The following NFXL1 variants were observed in gnomAD, a reference collection of about 807,000 sequenced individuals.
NFXL1 encodes the protein nuclear transcription factor, X-box binding like 1.
Under a neutral mutation model 123.3 loss-of-function variants are expected in NFXL1, and 66 were observed. That is an observed-to-expected ratio of 0.54 (90% confidence interval 0.44 to 0.66). The LOEUF (loss-of-function observed/expected upper bound fraction) is 0.66, where lower values mean the gene tolerates loss of function less well. Ranked by LOEUF, NFXL1 falls within the 30% of genes least tolerant of loss-of-function variation. The pLI, the probability that NFXL1 is intolerant of heterozygous loss-of-function variation, is 0.00. For missense variants in NFXL1, 944 were observed against 1,125.6 expected (o/e 0.84, Z 2.31); for synonymous variants, 346 against 360.8 (o/e 0.96, Z 0.46).
chr4:47,869,971 T>C (rs1735329592), intron 18 of NFXL1, among the ~76,000 whole-genome samples: 1 of 152,004 alleles, frequency 6.6e-6, no homozygotes, highest in Non-Finnish European at 1.5e-5. Flanking sequence ...ATGAAATAGA[T>C]AATTTCTAAG....
chr4:47,902,489 T>G (rs1234020190), intron 5 of NFXL1, among the ~76,000 whole-genome samples: 2 of 152,136 alleles, frequency 1.3e-5, no homozygotes, highest in East Asian at 3.8e-4. Flanking sequence ...GTTTTGAGAT[T>G]TGGGAGGATA....
At chr4:47,899,978 G>A (rs182355192) in intron 5 of NFXL1, among the ~76,000 whole-genome samples, 7 of 152,274 alleles carry the variant, frequency 4.6e-5, no homozygotes, top group African/African-American at 9.6e-5. Flanking sequence ...CTAACCACCT[G>A]AACTTTATTG....
intron 4 of NFXL1, among the ~76,000 whole-genome samples, 186 bp downstream of exon 4, chr4:47,905,051 T>C (rs1272676853): frequency 6.6e-6 from 1 of 152,224 alleles, no homozygotes; most frequent in Admixed American, 6.5e-5. Context: ...AAATACTGGA[T>C]ACTCATTTAG....
intron 19 of NFXL1, among the ~76,000 whole-genome samples, chr4:47,859,841 C>CAAAAAAAAAAAAAAAA (rs938207203): frequency 7.0e-5 from 1 of 14,314 alleles, no homozygotes; most frequent in Non-Finnish European, 1.2e-4. Context: ...GACTCCATCT[C>CAAAAAAAAAAAAAAAA]AAAAAAAAAA....
intron 18 of NFXL1, among the ~76,000 whole-genome samples, chr4:47,871,073 G>T (rs1735397813): frequency 6.6e-6 from 1 of 152,168 alleles, no homozygotes. Flanking sequence ...CACTTGGCAA[G>T]TTTTTATTTG....
At chr4:47,910,242 C>G (rs1469972774) in intron 3 of NFXL1, among the ~76,000 whole-genome samples, 1 of 152,076 alleles carries the variant, frequency 6.6e-6, no homozygotes, top group Non-Finnish European at 1.5e-5. Context: ...ACTCAGGAAG[C>G]TGAGGCAGGA....
intron 10 of NFXL1, among the ~76,000 whole-genome samples, chr4:47,895,507 C>G (rs73814608): frequency 2.0e-5 from 3 of 152,202 alleles, no homozygotes; most frequent in African/African-American, 7.2e-5. Flanking sequence ...TGTTTCACCT[C>G]GCACCTTTAT....
At chr4:47,914,302 C>T (rs987812780) in intron 1 of NFXL1, 63 bp downstream of exon 1, 24 of 966,842 alleles carry the variant, frequency 2.5e-5, no homozygotes. Context: ...TGTGAGGGGC[C>T]GAGTGAGGAA....
chr4:47,913,807 G>A (rs1578048101), intron 2 of NFXL1, among the ~76,000 whole-genome samples, 162 bp downstream of exon 2: 1 of 152,282 alleles, frequency 6.6e-6, no homozygotes. Flanking sequence ...CTAGAGTGCC[G>A]AAAAGAGCAG....
intron 11 of NFXL1, among the ~76,000 whole-genome samples, chr4:47,891,766 A>G (rs1325056796): frequency 6.6e-6 from 1 of 152,104 alleles, no homozygotes; most frequent in African/African-American, 2.4e-5. Flanking sequence ...CAATTAAGTC[A>G]ATACAGTTTA....
In NFXL1 at chr4:47,903,278, T is replaced by C; in HGVS notation, c.562A>G (p.Ile188Val). The change falls in exon 5 of 23, where the codon ATC becomes GTC. Residue 188 changes from isoleucine to valine, a missense_variant. Around this residue, in one of 4 missense-constraint regions of NFXL1, gnomAD observed 303 missense variants for 292.1 expected, o/e 1.04. Coordinates refer to ENST00000507489, the MANE Select transcript of NFXL1 (RefSeq NM_001278624.2). ...TGGCTGTCTTTAGCCCACTTCTGGA[T>C]ACAGGGCATGTGAAATATACAGAAA... ...GCFCIFHMPC[I>V]QKWAKDSQFL... 1 of 1,597,070 alleles carries C rather than the reference T, an allele frequency of 6.3e-7. No individual in the cohort carries two copies. Among genetic ancestry groups the C allele is most frequent in the Non-Finnish European group, 8.5e-7 (1 of 1,171,068 alleles).
At chr4:47,859,662 GAAACCCCGTTTCTACTAA>G (rs1201798531) in intron 19 of NFXL1, among the ~76,000 whole-genome samples, 2 of 151,890 alleles carry the variant, frequency 1.3e-5, no homozygotes, top group Non-Finnish European at 2.9e-5. Flanking sequence ...CCAACATGGT[GAAACCCCGTTTCTACTAA>G]AAATACAAAA....
At chr4:47,892,523 G>T (rs1243856060) in intron 11 of NFXL1, among the ~76,000 whole-genome samples, 1 of 152,198 alleles carries the variant, frequency 6.6e-6, no homozygotes, top group East Asian at 1.9e-4. Flanking sequence ...ATAATTTCAA[G>T]AGATCACACA....
intron 19 of NFXL1, among the ~76,000 whole-genome samples, chr4:47,861,998 T>C (rs915771378): frequency 2.6e-5 from 4 of 152,212 alleles, no homozygotes; most frequent in Non-Finnish European, 5.9e-5. Context: ...AGGAAAAAGA[T>C]ACTATATAGT....
At chr4:47,891,140 G>A (rs1578027663) in intron 11 of NFXL1, among the ~76,000 whole-genome samples, 1 of 140,458 alleles carries the variant, frequency 7.1e-6, no homozygotes, top group African/African-American at 2.6e-5. Flanking sequence ...TTGAGACAGA[G>A]TCTGGCTCTG....
chr4:47,875,064 T>G, intron 18 of NFXL1, 63 bp downstream of exon 18: 1 of 1,157,056 alleles, frequency 8.6e-7, no homozygotes, highest in South Asian at 1.4e-5. Context: ...GGGTTCTTAA[T>G]TATAAAAAGA....
At chr4:47,883,680 A>C (rs1736249296) in intron 15 of NFXL1, among the ~76,000 whole-genome samples, 1 of 152,224 alleles carries the variant, frequency 6.6e-6, no homozygotes, top group African/African-American at 2.4e-5. Flanking sequence ...TTTTAGAATT[A>C]AAAAACAAAA....
chr4:47,914,297 G>A (rs1168713518), intron 1 of NFXL1, 68 bp downstream of exon 1: 8 of 1,006,416 alleles, frequency 7.9e-6, no homozygotes, highest in Non-Finnish European at 7.0e-6. Flanking sequence ...CCCGGTGTGA[G>A]GGGCCGAGTG....
intron 20 of NFXL1, among the ~76,000 whole-genome samples, chr4:47,852,376 C>T (rs1163019243): frequency 1.3e-5 from 2 of 152,068 alleles, no homozygotes; most frequent in African/African-American, 4.8e-5. Context: ...CCACATATGG[C>T]TACTGAGCAC....
Sources: gnomAD v4.1 joint callset for allele counts (sites outside exome capture counted in the v4.1 genomes callset) on GRCh38, gnomAD v4.1.1 for gene constraint, gnomAD v4.1.1 regional missense constraint, MANE v1.5 for transcripts, NCBI Gene and HGNC (gene_info 2026-07-23, HGNC 2026-07-21) for gene names.